Variants in CPNE4 observed in about 807,000 individuals in gnomAD.
The protein encoded by CPNE4 is copine-4.
In CPNE4, 25 loss-of-function variants were observed where a neutral mutation model predicts 67.9. The ratio of observed to expected loss-of-function variants is 0.37; its 90% CI spans 0.27 to 0.51. The LOEUF is 0.51. Among genes scored for constraint, CPNE4 ranks in the 20% least tolerant of loss-of-function variants. CPNE4 has a pLI of 0.93. For synonymous variants in CPNE4, 242 were observed against 244.9 expected, an observed-to-expected ratio of 0.99 and a Z score of 0.11; for missense variants, 464 against 690.8, an observed-to-expected ratio of 0.67 and a Z score of 3.68.
At chr3:131,905,787 T>C (rs1444185470) in intron 1 of CPNE4, among the ~76,000 whole-genome samples, 1 of 152,198 alleles carries the variant, frequency 6.6e-6, no homozygotes, top group Non-Finnish European at 1.5e-5. Context: ...GTGTATGGCT[T>C]GTGTGAAATT....
intron 15 of CPNE4, among the ~76,000 whole-genome samples, chr3:131,541,893 A>T (rs181297920): frequency 1.3e-4 from 19 of 151,556 alleles, no homozygotes; most frequent in Admixed American, 6.6e-4. Context: ...CTGGTCTCAA[A>T]CTCCTGACCT....
chr3:131,543,304 A>C (rs1009616934), intron 14 of CPNE4, among the ~76,000 whole-genome samples: 1 of 152,242 alleles, frequency 6.6e-6, no homozygotes, highest in African/African-American at 2.4e-5. Flanking sequence ...ATTTTATTTA[A>C]TTGTAATGAA....
chr3:132,003,525 T>A (rs2073508147), intron 1 of CPNE4, among the ~76,000 whole-genome samples: 1 of 151,974 alleles, frequency 6.6e-6, no homozygotes, highest in Non-Finnish European at 1.5e-5. Flanking sequence ...CCTTGACAGC[T>A]GAGGGCCCTT....
chr3:131,600,395 C>A (rs865810332), intron 7 of CPNE4, among the ~76,000 whole-genome samples: 1 of 152,088 alleles, frequency 6.6e-6, no homozygotes, highest in Non-Finnish European at 1.5e-5. Flanking sequence ...GTCCAAAGAC[C>A]TGTTTGAAAC....
chr3:131,781,676 A>G lies in CPNE4; in HGVS notation c.181-58051T>C, dbSNP rs180955426. On this transcript the variant is annotated intron_variant, in intron 2 of 15. Coordinates refer to ENST00000429747, the MANE Select transcript of CPNE4 (RefSeq NM_130808.3). ...TAAACTCATTGGCTCAAAAATCAGT[A>G]TTTTGGGTTTATATGCCAGTGAGAC... Among the ~76,000 whole-genome samples the G allele has an allele frequency of 1.6e-3, 242 of 152,250 alleles. 2 individuals carry two copies. Among genetic ancestry groups the G allele is most frequent in the African/African-American group, 5.7e-3 (235 of 41,562 alleles).
chr3:131,778,072 C>A (rs1027109378), intron 2 of CPNE4, among the ~76,000 whole-genome samples: 1 of 152,102 alleles, frequency 6.6e-6, no homozygotes, highest in Non-Finnish European at 1.5e-5. Flanking sequence ...AGGAAGCCTG[C>A]CTTGGTCTTG....
chr3:132,035,719 TTTCTGA>T (rs2074327460), upstream of CPNE4, among the ~76,000 whole-genome samples: 1 of 152,240 alleles, frequency 6.6e-6, no homozygotes, highest in African/African-American at 2.4e-5. Flanking sequence ...CAGGGCATTG[TTTCTGA>T]TTATGTCTGC....
chr3:131,892,577 C>A (rs1336655317), intron 2 of CPNE4, among the ~76,000 whole-genome samples: 1 of 152,032 alleles, frequency 6.6e-6, no homozygotes, highest in Admixed American at 6.6e-5. Flanking sequence ...ATCTCTTAAT[C>A]CTCTACTATA....
At chr3:131,789,218 T>C (rs2083648052) in intron 2 of CPNE4, among the ~76,000 whole-genome samples, 1 of 152,184 alleles carries the variant, frequency 6.6e-6, no homozygotes, top group African/African-American at 2.4e-5. Flanking sequence ...TACACATTGC[T>C]CTAGAGTATA....
intron 2 of CPNE4, among the ~76,000 whole-genome samples, chr3:131,789,813 A>G (rs1236225154): frequency 1.3e-5 from 2 of 152,128 alleles, no homozygotes; most frequent in African/African-American, 4.8e-5. Context: ...AGGAAAAAAA[A>G]TCCCTGCAGA....
At chr3:131,779,373 A>G (rs1273958593) in intron 2 of CPNE4, among the ~76,000 whole-genome samples, 1 of 152,168 alleles carries the variant, frequency 6.6e-6, no homozygotes, top group Admixed American at 6.6e-5. Context: ...CTGAATAGCC[A>G]AATCAATCCT....
In CPNE4 at chr3:131,553,328, T is replaced by C. The variant is rs146826570; in HGVS notation, c.1117-837A>G. On this transcript the variant is annotated intron_variant, in intron 12 of 15. Transcript: ENST00000429747. ...TAGTGGGAGGTGATCGGTGATGCTC[T>C]CAGTGCTTATCCTAGTCCCTTGCTC... Among the ~76,000 whole-genome samples the C allele has an allele frequency of 3.8e-3, 585 of 152,262 alleles. 5 individuals carry two copies. The highest frequency in any genetic ancestry group is 0.01 in the Middle Eastern group (3 of 294).
intron 6 of CPNE4, among the ~76,000 whole-genome samples, chr3:131,673,905 A>T (rs947876452): frequency 1.3e-5 from 2 of 152,110 alleles, no homozygotes; most frequent in Non-Finnish European, 2.9e-5. Flanking sequence ...CTTAGAGGAA[A>T]GGCTTTCAGT....
chr3:131,654,696 C>T (rs80201980), intron 7 of CPNE4, among the ~76,000 whole-genome samples: 6,118 of 152,168 alleles, frequency 0.04, 114 homozygotes, highest in African/African-American at 0.051. Flanking sequence ...GGAAGGCATG[C>T]GATGAATTTT....
At chr3:131,622,717 G>A (rs1940540592) in intron 7 of CPNE4, among the ~76,000 whole-genome samples, 1 of 152,162 alleles carries the variant, frequency 6.6e-6, no homozygotes, top group African/African-American at 2.4e-5. Context: ...ATAATATAGG[G>A]AAGGGGGAAA....
At chr3:131,720,365 AC>A (rs1170867234) in intron 3 of CPNE4, among the ~76,000 whole-genome samples, 1 of 148,474 alleles carries the variant, frequency 6.7e-6, no homozygotes, top group Non-Finnish European at 1.5e-5. Context: ...GCTCAATGCA[AC>A]CTCTGCCTCC....
intron 2 of CPNE4, among the ~76,000 whole-genome samples, chr3:131,841,657 T>C (rs1475878232): frequency 6.6e-6 from 1 of 152,194 alleles, no homozygotes; most frequent in Non-Finnish European, 1.5e-5. Flanking sequence ...GGAAAAATTG[T>C]CTTCCACAAA....
intron 1 of CPNE4, among the ~76,000 whole-genome samples, chr3:131,986,517 C>A (rs989080546): frequency 6.6e-6 from 1 of 152,162 alleles, no homozygotes; most frequent in Non-Finnish European, 1.5e-5. Context: ...GCAGGCAAAT[C>A]TGCTCTAGGC....
intron 2 of CPNE4, among the ~76,000 whole-genome samples, chr3:131,749,799 T>C (rs946892357): frequency 2.6e-5 from 4 of 152,328 alleles, no homozygotes; most frequent in Middle Eastern, 3.4e-3. Flanking sequence ...ATTTGCATGA[T>C]ATATCCTTTT....
Sources: allele counts gnomAD v4.1 joint callset (sites outside exome capture counted in the v4.1 genomes callset), GRCh38; gene constraint gnomAD v4.1.1; transcripts MANE v1.5; gene names NCBI Gene and HGNC (gene_info 2026-07-23, HGNC 2026-07-21).